COL10A1: variants seen among roughly 807,000 people sequenced by gnomAD.
COL10A1 encodes the protein collagen type X alpha 1 chain, also known as collagen alpha-1(X) chain.
In COL10A1, 10 loss-of-function variants were observed where a neutral mutation model predicts 18.2. The ratio of observed to expected loss-of-function variants is 0.55; its 90% CI spans 0.34 to 0.93. The LOEUF is 0.93. Among genes scored for constraint, COL10A1 ranks in the 40% least tolerant of loss-of-function variants. The pLI is 0.02. For missense variants in COL10A1, 897 were observed against 853.5 expected (o/e 1.05, Z -0.64); for synonymous variants, 330 against 316.6 (o/e 1.04, Z -0.45).
chr6:116,208,295 G>T, the COL10A1 span, among the ~76,000 whole-genome samples: 3 of 151,988 alleles, frequency 2.0e-5, no homozygotes, highest in African/African-American at 7.2e-5. Context: ...TCTTCTGAAG[G>T]AGGTGGAAGA....
the COL10A1 span, among the ~76,000 whole-genome samples, chr6:116,199,996 A>G: frequency 1.0e-5 from 1 of 98,048 alleles, no homozygotes; most frequent in Admixed American, 9.9e-5. Context: ...ACAGTATGGA[A>G]AGTGGGGGGG....
chr6:116,172,200 T>A, the COL10A1 span, among the ~76,000 whole-genome samples: 4 of 152,274 alleles, frequency 2.6e-5, no homozygotes, highest in African/African-American at 7.2e-5. Context: ...GATTGAAAAT[T>A]ATTTTTTTCA....
At chr6:116,206,890 ATAAT>A in the COL10A1 span, among the ~76,000 whole-genome samples, 4 of 152,134 alleles carry the variant, frequency 2.6e-5, no homozygotes, top group Non-Finnish European at 5.9e-5. Flanking sequence ...CATTTGCCAA[ATAAT>A]TGTGTGCAAA....
chr6:116,125,004 T>G (rs928058324), intron 2 of COL10A1, among the ~76,000 whole-genome samples: 1 of 152,366 alleles, frequency 6.6e-6, no homozygotes, highest in East Asian at 1.9e-4. Context: ...GCTTAAAATT[T>G]TTAAACTTGA....
the COL10A1 span, among the ~76,000 whole-genome samples, chr6:116,208,543 A>G: frequency 2.0e-5 from 3 of 152,054 alleles, no homozygotes; most frequent in Non-Finnish European, 4.4e-5. Flanking sequence ...TACTTAGGCA[A>G]TAGTGCCTTT....
At chr6:116,188,046 G>A in the COL10A1 span, among the ~76,000 whole-genome samples, 5 of 151,958 alleles carry the variant, frequency 3.3e-5, no homozygotes, top group African/African-American at 7.2e-5. Flanking sequence ...GTCTTGACAG[G>A]CAGTTTACAA....
chr6:116,165,885 C>G, the COL10A1 span, among the ~76,000 whole-genome samples: 3 of 152,290 alleles, frequency 2.0e-5, no homozygotes, highest in South Asian at 6.2e-4. Flanking sequence ...CTGAGATTCC[C>G]CATGCAGGGT....
chr6:116,208,305 A>G, the COL10A1 span, among the ~76,000 whole-genome samples: 1 of 151,996 alleles, frequency 6.6e-6, no homozygotes, highest in African/African-American at 2.4e-5. Context: ...GAGGTGGAAG[A>G]TTTCAAGTAA....
At chr6:116,196,004 G>C in the COL10A1 span, among the ~76,000 whole-genome samples, 1 of 152,006 alleles carries the variant, frequency 6.6e-6, no homozygotes, top group South Asian at 2.1e-4. Flanking sequence ...TCTAGTACTT[G>C]TTTGAGTACC....
At chr6:116,134,364 G>A (rs948921514) in intron 1 of COL10A1, among the ~76,000 whole-genome samples, 12 of 152,170 alleles carry the variant, frequency 7.9e-5, no homozygotes, top group African/African-American at 2.4e-4. Flanking sequence ...TAGTGTCTGT[G>A]TGAATCTATC....
At chr6:116,190,088 C>T in the COL10A1 span, among the ~76,000 whole-genome samples, 1 of 151,806 alleles carries the variant, frequency 6.6e-6, no homozygotes, top group Admixed American at 6.6e-5. Flanking sequence ...ATGGGAATAG[C>T]AATATCTATC....
chr6:116,159,540 T>G (rs1780281385), upstream of COL10A1, among the ~76,000 whole-genome samples: 1 of 152,236 alleles, frequency 6.6e-6, no homozygotes, highest in Non-Finnish European at 1.5e-5. Flanking sequence ...GTGAATAATT[T>G]GCAAACTTGC....
At chr6:116,168,044 C>G in the COL10A1 span, among the ~76,000 whole-genome samples, 4 of 134,940 alleles carry the variant, frequency 3.0e-5, no homozygotes, top group African/African-American at 1.1e-4. Flanking sequence ...TTCTCTTTGT[C>G]TTTGGTTTTT....
chr6:116,181,991 C>T, the COL10A1 span, among the ~76,000 whole-genome samples: 2 of 152,006 alleles, frequency 1.3e-5, no homozygotes, highest in African/African-American at 4.8e-5. Flanking sequence ...GTACACTATA[C>T]CCAGTGTATA....
chr6:116,191,668 C>G, the COL10A1 span, among the ~76,000 whole-genome samples: 3 of 151,984 alleles, frequency 2.0e-5, no homozygotes, highest in Non-Finnish European at 4.4e-5. Context: ...TAAAGAAAAT[C>G]CATTGCTAAA....
chr6:116,169,280 C>T, the COL10A1 span, among the ~76,000 whole-genome samples: 1 of 152,164 alleles, frequency 6.6e-6, no homozygotes, highest in African/African-American at 2.4e-5. Flanking sequence ...TTCTAGTTAT[C>T]CTCAGTTAGA....
At chr6:116,189,475 A>G in the COL10A1 span, among the ~76,000 whole-genome samples, 2 of 152,046 alleles carry the variant, frequency 1.3e-5, no homozygotes, top group East Asian at 1.9e-4. Flanking sequence ...TTCTAACTAT[A>G]TTTTGCAAGC....
chr6:116,158,935 A>G (rs941339721), upstream of COL10A1, among the ~76,000 whole-genome samples: 3 of 152,154 alleles, frequency 2.0e-5, no homozygotes, highest in African/African-American at 7.2e-5. Flanking sequence ...GGGGAATTTC[A>G]TTTATTTGAT....
At chr6:116,207,097 T>A in the COL10A1 span, among the ~76,000 whole-genome samples, 2 of 151,964 alleles carry the variant, frequency 1.3e-5, no homozygotes, top group Non-Finnish European at 2.9e-5. Flanking sequence ...TAGAAAATAG[T>A]TTCATTATTA....
Sources: gnomAD v4.1 joint callset for allele counts (sites outside exome capture counted in the v4.1 genomes callset) on GRCh38, gnomAD v4.1.1 for gene constraint, MANE v1.5 for transcripts, NCBI Gene and HGNC (gene_info 2026-07-23, HGNC 2026-07-21) for gene names.